The following PPIL6 variants were observed in gnomAD, a reference collection of about 807,000 sequenced individuals.
PPIL6 encodes probable inactive peptidyl-prolyl cis-trans isomerase-like 6.
PPIL6 carries 39 observed loss-of-function variants against 36.8 expected under a neutral mutation model. The ratio of observed to expected loss-of-function variants is 1.06; its 90% CI spans 0.82 to 1.38. PPIL6 has a LOEUF of 1.38. PPIL6 is among the 40% of genes most tolerant of loss of function. The pLI is 0.00. For missense variants in PPIL6, 368 were observed against 379.1 expected (o/e 0.97, Z 0.24); for synonymous variants, 123 against 134.1 (o/e 0.92, Z 0.57).
intron 6 of PPIL6, among the ~76,000 whole-genome samples, chr6:109,414,321 C>T (rs1218633024): frequency 6.6e-6 from 1 of 151,980 alleles, no homozygotes; most frequent in African/African-American, 2.4e-5. Context: ...TTTTTATTTC[C>T]TCTTATGTTC....
At chr6:109,423,437 T>G (rs994437248) in intron 5 of PPIL6, among the ~76,000 whole-genome samples, 98 of 152,130 alleles carry the variant, frequency 6.4e-4, no homozygotes, top group Admixed American at 6.3e-3. Flanking sequence ...AAAATTTTCC[T>G]CTATCCATTT....
chr6:109,436,073 C>T, intron 2 of PPIL6, 31 bp downstream of exon 2: 1 of 1,195,854 alleles, frequency 8.4e-7, no homozygotes, highest in Non-Finnish European at 1.2e-6. Flanking sequence ...GGCTTGTTGT[C>T]TATATCCCCC....
intron 6 of PPIL6, among the ~76,000 whole-genome samples, chr6:109,410,127 C>G (rs1363601037): frequency 2.0e-5 from 3 of 152,050 alleles, no homozygotes; most frequent in Non-Finnish European, 4.4e-5. Context: ...GCTGAGGTAT[C>G]CTGGAGAGAT....
intron 5 of PPIL6, 126 bp from the exon 6 acceptor site, chr6:109,419,369 C>T (rs1773427147): frequency 1.6e-6 from 1 of 636,830 alleles, no homozygotes. Flanking sequence ...TCACTGGAGC[C>T]CAGGAGTTTG....
intron 7 of PPIL6, 49 bp downstream of exon 7, chr6:109,399,986 C>T: frequency 6.8e-7 from 1 of 1,470,856 alleles, no homozygotes. Context: ...TTTTAAATGA[C>T]ATTTTTACAG....
chr6:109,431,358 A>T lies in PPIL6; in HGVS notation c.232-13T>A. The T allele has an allele frequency of 7.3e-7, 1 of 1,372,988 alleles. No individual in the cohort carries two copies. The highest frequency in any genetic ancestry group is 9.8e-7 in the Non-Finnish European group (1 of 1,016,592). The allele number at this position is 1,372,988 out of a possible 1,614,324, so 85.1% of individuals were successfully genotyped here. ...CATTTTTGAGTTCCTGTAAGGGAAAAGGACAAAAAAAAAAAAAAACGTAAG... is the reference window on the plus strand; with the variant it reads ...CATTTTTGAGTTCCTGTAAGGGAAATGGACAAAAAAAAAAAAAAACGTAAG... On this transcript the variant is annotated splice_polypyrimidine_tract_variant and intron_variant, in intron 2 of 7. Transcript: ENST00000521072.
At chr6:109,400,775 C>A (rs1056780372) in intron 6 of PPIL6, among the ~76,000 whole-genome samples, 5 of 152,160 alleles carry the variant, frequency 3.3e-5, no homozygotes, top group Non-Finnish European at 5.9e-5. Flanking sequence ...GATTTCCATT[C>A]CATGTACTTT....
At chr6:109,427,351 A>G (rs1044645797) in intron 3 of PPIL6, among the ~76,000 whole-genome samples, 195 bp from the exon 4 acceptor site, 1 of 151,978 alleles carries the variant, frequency 6.6e-6, no homozygotes, top group East Asian at 1.9e-4. Context: ...TTTATAACCC[A>G]CTTTACACAT....
intron 6 of PPIL6, among the ~76,000 whole-genome samples, chr6:109,414,786 C>T (rs59233903): frequency 0.034 from 5,117 of 152,110 alleles, 227 homozygotes; most frequent in African/African-American, 0.096. Flanking sequence ...ACCAACCCCT[C>T]GGAGCAGTCA....
In PPIL6 at chr6:109,392,781, C is replaced by G; in HGVS notation, c.*45G>C. The G allele has an allele frequency of 9.0e-7, 1 of 1,111,626 alleles. No homozygotes were observed. The highest frequency in any genetic ancestry group is 1.3e-6 in the Non-Finnish European group (1 of 753,048). 68.9% of individuals were successfully genotyped at this position (1,111,626 alleles called of 1,614,324 possible). On this transcript the variant is annotated 3_prime_UTR_variant, in exon 8 of 8. Coordinates refer to ENST00000521072, the MANE Select transcript of PPIL6 (RefSeq NM_173672.5). Reference sequence around the variant, plus strand: ...TTAATTAAATCCACAAACAGCTGATCAGATACAAAGTAATAAATTATCACA... The same window carrying G: ...TTAATTAAATCCACAAACAGCTGATGAGATACAAAGTAATAAATTATCACA...
intron 5 of PPIL6, among the ~76,000 whole-genome samples, chr6:109,423,774 G>T (rs1030301832): frequency 4.0e-5 from 6 of 151,872 alleles, no homozygotes; most frequent in Non-Finnish European, 8.8e-5. Context: ...AGCCAGAGGG[G>T]GAATCCAACC....
chr6:109,421,561 C>CA (rs1282614124), intron 5 of PPIL6, among the ~76,000 whole-genome samples: 3 of 151,490 alleles, frequency 2.0e-5, no homozygotes, highest in Admixed American at 1.3e-4. Context: ...TCATTATCAT[C>CA]ATCTTCATCA....
intron 2 of PPIL6, among the ~76,000 whole-genome samples, chr6:109,434,914 A>G (rs1360324296): frequency 6.6e-6 from 1 of 152,230 alleles, no homozygotes; most frequent in Admixed American, 6.5e-5. Context: ...ACCCAACAGG[A>G]AAACTATCAT....
At chr6:109,437,632 G>A (rs3757238) in intron 1 of PPIL6, among the ~76,000 whole-genome samples, 36,234 of 142,816 alleles carry the variant, frequency 0.25, 4,693 homozygotes, top group Middle Eastern at 0.37. Context: ...TCAGCTCACT[G>A]CAACCTCCGT....
chr6:109,423,259 C>T (rs1025311604), intron 5 of PPIL6, among the ~76,000 whole-genome samples: 4 of 151,970 alleles, frequency 2.6e-5, no homozygotes, highest in African/African-American at 7.3e-5. Flanking sequence ...CCCAGTTACT[C>T]GGGAGGCTGA....
chr6:109,410,541 C>T (rs1246889125), intron 6 of PPIL6, among the ~76,000 whole-genome samples: 1 of 152,190 alleles, frequency 6.6e-6, no homozygotes, highest in Non-Finnish European at 1.5e-5. Context: ...AAATCCCAAA[C>T]TCCTACTTGT....
At chr6:109,440,718 G>C (rs1774810617), upstream of PPIL6, 8 of 629,852 alleles carry the variant, frequency 1.3e-5, no homozygotes, top group Non-Finnish European at 1.7e-5. Flanking sequence ...TGGCGGCTGG[G>C]CCTTTCCTCA....
rs374700170 is a variant in PPIL6, at chr6:109,426,964, T to G, written c.514A>C (p.Lys172Gln). ...LYCDVCPKTC[K>Q]NFQVLCTGKA... ...CCTGTGCACAAGACCTGAAAATTTTTACATGTTTTGGGACACACATCACAG... is the reference window on the plus strand; with the variant it reads ...CCTGTGCACAAGACCTGAAAATTTTGACATGTTTTGGGACACACATCACAG... Residue 172 changes from lysine to glutamine, a missense_variant, in exon 5 of 8, where the codon AAA becomes CAA. Transcript: ENST00000521072. 1.3e-5 allele frequency: 21 copies of G among 1,606,016 alleles called. No individual in the cohort carries two copies. The highest frequency in any genetic ancestry group is 1.6e-5 in the Non-Finnish European group (19 of 1,173,682).
intron 6 of PPIL6, among the ~76,000 whole-genome samples, chr6:109,415,902 G>A (rs1042536152): frequency 1.3e-5 from 2 of 152,112 alleles, no homozygotes; most frequent in Non-Finnish European, 2.9e-5. Context: ...TGGTGGCCAG[G>A]GGCATCATTG....
Sources: gnomAD v4.1 joint callset for allele counts (sites outside exome capture counted in the v4.1 genomes callset) on GRCh38, gnomAD v4.1.1 for gene constraint, MANE v1.5 for transcripts, NCBI Gene and HGNC (gene_info 2026-07-23, HGNC 2026-07-21) for gene names.